USP32: variants seen among roughly 807,000 people sequenced by gnomAD.
USP32 encodes ubiquitin carboxyl-terminal hydrolase 32.
USP32 carries 59 observed loss-of-function variants against 204.8 expected under a neutral mutation model. The observed-to-expected ratio is 0.29, with a 90% confidence interval of 0.23 to 0.36. USP32 has a LOEUF of 0.36. USP32 is among the 10% of genes least tolerant of loss of function. USP32 has a pLI of 1.00. For synonymous variants in USP32, 517 were observed against 678.4 expected (o/e 0.76, Z 3.70); for missense variants, 1,160 against 1,946.4 (o/e 0.60, Z 7.60).
Position 60,207,058 on chromosome 17 carries a change from A to T in USP32, c.3000T>A (p.Pro1000=), listed in dbSNP as rs1333571282. ...GACTAGAAGCTGAAATTGGAGACAC[A>T]GGGACAGGAATTTCAAATGCACACA... ...GFLCAFEIPV[P]VSPISASSPT... Residue 1000 remains proline, a synonymous_variant, in exon 25 of 34, where the codon CCT becomes CCA. Coordinates refer to ENST00000300896, the MANE Select transcript of USP32 (RefSeq NM_032582.4). The T allele has an allele frequency of 6.2e-7, 1 of 1,612,936 alleles. No homozygotes were observed. Among genetic ancestry groups the T allele is most frequent in the African/African-American group, 1.3e-5 (1 of 74,876 alleles).
At chr17:60,238,475 C>A (rs2085791545) in intron 11 of USP32, among the ~76,000 whole-genome samples, 1 of 151,932 alleles carries the variant, frequency 6.6e-6, no homozygotes, top group Admixed American at 6.6e-5. Flanking sequence ...CAAGACCAGC[C>A]TGGGCAACAT....
intron 21 of USP32, 83 bp from the exon 22 acceptor site, chr17:60,209,626 A>G: frequency 1.1e-6 from 1 of 909,272 alleles, no homozygotes; most frequent in South Asian, 2.2e-5. Context: ...AATCAGAGCC[A>G]TTGTAAGAAA....
intron 2 of USP32, among the ~76,000 whole-genome samples, chr17:60,343,243 C>T (rs1195570761): frequency 7.2e-5 from 11 of 152,138 alleles, no homozygotes; most frequent in East Asian, 1.9e-4. Flanking sequence ...GACAGATCAA[C>T]GAGACAGAAG....
chr17:60,276,173 G>A (rs895921567), intron 5 of USP32, among the ~76,000 whole-genome samples: 1 of 152,084 alleles, frequency 6.6e-6, no homozygotes, highest in Non-Finnish European at 1.5e-5. Flanking sequence ...AAGTCTAGGG[G>A]TTTAGGACCA....
chr17:60,349,606 T>A lies in USP32; in HGVS notation c.59-3998A>T, dbSNP rs1406309881. On this transcript the variant is annotated intron_variant, in intron 1 of 33. Transcript: ENST00000300896. ...AAAAAAAAAAAAAAAAATATATATA[T>A]ATATATATATATATATATTATATAT... is the stretch of plus-strand genomic sequence containing the variant. Among the ~76,000 whole-genome samples the A allele has an allele frequency of 3.0e-3, 194 of 65,080 alleles. 3 individuals carry two copies. The highest frequency in any genetic ancestry group is 0.02 in the African/African-American group (162 of 8,260). 42.7% of individuals were successfully genotyped at this position (65,080 alleles called of 152,430 possible).
chr17:60,198,991 C>T (rs1424411752), intron 26 of USP32, among the ~76,000 whole-genome samples: 1 of 152,036 alleles, frequency 6.6e-6, no homozygotes, highest in African/African-American at 2.4e-5. Context: ...TGGCATGTGT[C>T]TGTAGTCCCA....
At chr17:60,409,232 C>T (rs2090000759) in intron 1 of USP32, among the ~76,000 whole-genome samples, 1 of 152,198 alleles carries the variant, frequency 6.6e-6, no homozygotes, top group Admixed American at 6.5e-5. Flanking sequence ...CCTGTAATCC[C>T]CGCTGCTAGA....
Position 60,185,617 on chromosome 17 carries a change from C to T in USP32, c.3677G>A (p.Arg1226Gln), listed in dbSNP as rs367660945. Residue 1226 changes from arginine to glutamine, a missense_variant, in exon 30 of 34, where the codon CGG becomes CAG. Transcript: ENST00000300896. Reference protein sequence around the residue: ...VDEHESVEQSRRAQAEPINLD... With the variant: ...VDEHESVEQSQRAQAEPINLD... ...GTTGATGGGCTCGGCTTGCGCTCGC[C>T]GACTCTGCTCCACACTCTCATGCTC... The T allele has an allele frequency of 2.4e-5, 39 of 1,611,762 alleles. 1 individual carries two copies. The African/African-American group carries it at 2.8e-4, about 12-fold the overall frequency.
In USP32 at chr17:60,214,821, G is replaced by C. The variant is rs375537805; in HGVS notation, c.1868-47C>G. On this transcript the variant is annotated intron_variant, in intron 16 of 33. Coordinates refer to ENST00000300896, the MANE Select transcript of USP32 (RefSeq NM_032582.4). ...TAAGAAAAAAGGCAGATGTGAAAAAGAAGCACCCCTCTCAGCAATGGGGAC... is the reference window on the plus strand; with the variant it reads ...TAAGAAAAAAGGCAGATGTGAAAAACAAGCACCCCTCTCAGCAATGGGGAC... 9 of 1,613,658 alleles carry C rather than the reference G, an allele frequency of 5.6e-6. No homozygotes were observed. In the African/African-American group the frequency reaches 1.1e-4, roughly 19 times the overall value.
chr17:60,184,530 T>C (rs1461920719), intron 30 of USP32, among the ~76,000 whole-genome samples: 1 of 151,954 alleles, frequency 6.6e-6, no homozygotes, highest in Non-Finnish European at 1.5e-5. Context: ...AAAACATGGC[T>C]GGGCACGGTG....
rs2089842900 is a variant in USP32 at position 60,391,921 on chromosome 17, G to T, written c.19C>A (p.Arg7=). 1 of 1,609,078 alleles carries T rather than the reference G, an allele frequency of 6.2e-7. No individual in the cohort carries two copies. The highest frequency in any genetic ancestry group is 1.3e-5 in the African/African-American group (1 of 74,320). ...TCCTCGTAGCTGAGGAATCCGATCCGTGACTCCTTGGCACCCATGCTCCCC... is the reference window on the plus strand; with the variant it reads ...TCCTCGTAGCTGAGGAATCCGATCCTTGACTCCTTGGCACCCATGCTCCCC... MGAKES[R]IGFLSYEEAL... is the part of the protein sequence containing the mutation. Residue 7 remains arginine, a synonymous_variant, in exon 1 of 34, where the codon CGG becomes AGG. Coordinates refer to ENST00000300896, the MANE Select transcript of USP32 (RefSeq NM_032582.4).
chr17:60,301,143 T>C (rs2087562611), intron 3 of USP32, among the ~76,000 whole-genome samples: 1 of 152,256 alleles, frequency 6.6e-6, no homozygotes, highest in South Asian at 2.1e-4. Flanking sequence ...AATGATGCTA[T>C]GACTATTTCT....
chr17:60,182,480 G>A (rs1326959251), intron 31 of USP32, among the ~76,000 whole-genome samples: 1 of 152,122 alleles, frequency 6.6e-6, no homozygotes, highest in Admixed American at 6.5e-5. Context: ...AAATAGTTTT[G>A]GGCAAGGCAC....
intron 29 of USP32, among the ~76,000 whole-genome samples, chr17:60,186,369 G>A (rs1168131444): frequency 6.6e-6 from 1 of 152,190 alleles, no homozygotes; most frequent in Non-Finnish European, 1.5e-5. Flanking sequence ...CAGAGGCTAG[G>A]AGAAATAACA....
chr17:60,318,246 T>A (rs1275395526), intron 2 of USP32, among the ~76,000 whole-genome samples: 4 of 152,232 alleles, frequency 2.6e-5, no homozygotes, highest in African/African-American at 9.6e-5. Context: ...AAACTCAGCA[T>A]ATATAAAGAT....
chr17:60,195,270 C>G (rs758171211), intron 27 of USP32, among the ~76,000 whole-genome samples: 1 of 152,248 alleles, frequency 6.6e-6, no homozygotes, highest in African/African-American at 2.4e-5. Flanking sequence ...ACTATCACTC[C>G]TTTCCTGAAA....
chr17:60,356,505 T>TC (rs2089081052), intron 1 of USP32, among the ~76,000 whole-genome samples: 1 of 152,138 alleles, frequency 6.6e-6, no homozygotes, highest in Non-Finnish European at 1.5e-5. Context: ...ATAGAACCCC[T>TC]CCGCCAAGGC....
At chr17:60,350,890 A>T (rs184906093) in intron 1 of USP32, among the ~76,000 whole-genome samples, 1 of 152,162 alleles carries the variant, frequency 6.6e-6, no homozygotes, top group East Asian at 1.9e-4. Flanking sequence ...CCCAAAAGCT[A>T]TTGAATTTTT....
intron 11 of USP32, among the ~76,000 whole-genome samples, chr17:60,248,886 T>G (rs1466747443): frequency 6.6e-6 from 1 of 152,218 alleles, no homozygotes; most frequent in Non-Finnish European, 1.5e-5. Flanking sequence ...CCATGTCTCA[T>G]AATTTTTTCT....
Sources: gnomAD v4.1 joint callset for allele counts (sites outside exome capture counted in the v4.1 genomes callset) on GRCh38, gnomAD v4.1.1 for gene constraint, MANE v1.5 for transcripts, NCBI Gene and HGNC (gene_info 2026-07-23, HGNC 2026-07-21) for gene names.